Variants in GNL2 observed in about 807,000 individuals in gnomAD.
GNL2 encodes nucleolar GTP-binding protein 2.
GNL2 carries 51 observed loss-of-function variants against 92.3 expected under a neutral mutation model. That is an observed-to-expected ratio of 0.55 (90% CI 0.44 to 0.70). The LOEUF is 0.70. GNL2 is among the 30% of genes least tolerant of loss of function. GNL2 has a pLI of 0.00. For missense variants in GNL2, 844 were observed against 895.6 expected, an observed-to-expected ratio of 0.94 and a Z score of 0.74; for synonymous variants, 283 against 300.6, an observed-to-expected ratio of 0.94 and a Z score of 0.61.
At position 37,592,323 on chromosome 1, in the gene GNL2, A is replaced by C. The variant is rs375890609; in HGVS notation, c.244+389T>G. 5.3e-5 allele frequency among the ~76,000 whole-genome samples: 8 copies of C among 152,210 alleles called. No homozygotes were observed. The East Asian group carries it at 1.3e-3, about 26-fold the overall frequency. The stretch of plus-strand genomic sequence containing the variant: ...AGTTCAAATAAAAACCCCATTAAGA[A>C]GTATTTCAGAGGAACTTCGGGCTAA... On this transcript the variant is annotated intron_variant, in intron 3 of 15. Coordinates refer to ENST00000373062, the MANE Select transcript of GNL2 (RefSeq NM_013285.3).
At chr1:37,582,394 G>A in intron 7 of GNL2, 58 bp from the exon 8 acceptor site, 1 of 978,156 alleles carries the variant, frequency 1.0e-6, no homozygotes, top group Non-Finnish European at 1.6e-6. Flanking sequence ...TACATTATGT[G>A]GAAGAATCAG....
At chr1:37,579,700 A>G (rs922355331) in intron 8 of GNL2, among the ~76,000 whole-genome samples, 2 of 152,006 alleles carry the variant, frequency 1.3e-5, no homozygotes, top group Non-Finnish European at 2.9e-5. Flanking sequence ...GATCAAGACC[A>G]TCCTGGCTAA....
intron 1 of GNL2, among the ~76,000 whole-genome samples, chr1:37,595,506 T>C (rs1643916048): frequency 1.3e-5 from 2 of 152,222 alleles, no homozygotes; most frequent in Non-Finnish European, 2.9e-5. Flanking sequence ...GAGTGTTCAC[T>C]TTCCTTGACT....
chr1:37,574,862 T>C (rs749321738), intron 10 of GNL2, 39 bp from the exon 11 acceptor site: 1 of 1,501,380 alleles, frequency 6.7e-7, no homozygotes, highest in Non-Finnish European at 9.2e-7. Context: ...ACAAACTTTG[T>C]TGTGGAAGCA....
At chr1:37,587,834 A>G (rs984578219) in intron 4 of GNL2, among the ~76,000 whole-genome samples, 12 of 152,246 alleles carry the variant, frequency 7.9e-5, no homozygotes, top group Non-Finnish European at 1.2e-4. Context: ...AATTAAGGCT[A>G]CAGTGGTGAA....
chr1:37,582,975 CA>C (rs753482677), intron 6 of GNL2, 39 bp from the exon 7 acceptor site: 1 of 1,449,546 alleles, frequency 6.9e-7, no homozygotes, highest in Non-Finnish European at 9.5e-7. Flanking sequence ...TGCTACAGTA[CA>C]AATAAAAGAG....
intron 8 of GNL2, among the ~76,000 whole-genome samples, chr1:37,580,334 G>A (rs185333009): frequency 1.5e-4 from 23 of 152,258 alleles, no homozygotes; most frequent in African/African-American, 5.1e-4. Context: ...AGTATGAGGG[G>A]TCAGAATGGC....
At chr1:37,593,686 C>A in intron 2 of GNL2, 76 bp downstream of exon 2, 1 of 987,480 alleles carries the variant, frequency 1.0e-6, no homozygotes. Flanking sequence ...GTGAGAACAG[C>A]AAAGGCTTCA....
chr1:37,584,083 T>C, intron 5 of GNL2, 150 bp from the exon 6 acceptor site: 1 of 635,954 alleles, frequency 1.6e-6, no homozygotes, highest in South Asian at 1.8e-5. Context: ...TGTGCCCAAA[T>C]GTCTGTCAAC....
In GNL2 at chr1:37,566,883, T is replaced by G; in HGVS notation, c.2168A>C (p.Lys723Thr). ...KTNDSEGQKH[K>T]RKKFRQKQ ...CTGCTTTTGTCTGAATTTTTTGCGT[T>G]TGTGTTTCTGTCCCTCTGAGTCATT... is the stretch of plus-strand genomic sequence containing the variant. Residue 723 changes from lysine (K) to threonine (T), a missense_variant, in exon 16 of 16, where the codon AAA becomes ACA. Physicochemically the swap from Lys to Thr is moderately conservative, Grantham distance 78. Transcript: ENST00000373062. 6.2e-7 allele frequency: 1 copy of G among 1,613,870 alleles called. No individual in the cohort carries two copies. The highest frequency in any genetic ancestry group is 8.5e-7 in the Non-Finnish European group (1 of 1,179,932).
Position 37,595,832 on chromosome 1 carries a change from G to T in GNL2, c.-10C>A, listed in dbSNP as rs1385977830. The T allele has an allele frequency of 3.1e-6, 5 of 1,613,768 alleles. No individual in the cohort carries two copies. Among genetic ancestry groups the T allele is most frequent in the Non-Finnish European group, 4.2e-6 (5 of 1,179,738 alleles). On this transcript the variant is annotated 5_prime_UTR_variant, in exon 1 of 16. Coordinates refer to ENST00000373062, the MANE Select transcript of GNL2 (RefSeq NM_013285.3). Reference sequence around the variant, plus strand: ...ACTTGGGCTTCACCATCTTGGCGACGAGACCGGGACCGGAGTGCGAGGTCC... The same window carrying T: ...ACTTGGGCTTCACCATCTTGGCGACTAGACCGGGACCGGAGTGCGAGGTCC...
chr1:37,595,908 C>CCCGCCT lies in GNL2; in HGVS notation c.-92_-87dup. The CCCGCCT allele has an allele frequency of 9.2e-7, 1 of 1,089,880 alleles. No individual in the cohort carries two copies. The highest frequency in any genetic ancestry group is 2.4e-5 in the East Asian group (1 of 41,256). The allele number at this position is 1,089,880 out of a possible 1,614,324, so 67.5% of individuals were successfully genotyped here. A position where few individuals can be genotyped will look rare whatever the true frequency, so the allele number is the denominator to read the frequency against. ...ATGTTCCCAAGCCCGGCCGAAGACA[C>CCCGCCT]CCGCCTGAACCACGCCGGACCACGT... On this transcript the variant is annotated 5_prime_UTR_variant, in exon 1 of 16. Coordinates refer to ENST00000373062, the MANE Select transcript of GNL2 (RefSeq NM_013285.3).
chr1:37,568,818 A>C lies in GNL2; in HGVS notation c.1868+33T>G, dbSNP rs1169363973. 4 of 1,547,916 alleles carry C rather than the reference A, an allele frequency of 2.6e-6. No homozygotes were observed. In the Admixed American group the frequency reaches 7.0e-5, roughly 27 times the overall value. ...GGCAAATTTTTGGGAAAGGAATGAA[A>C]ATCTGCAATTTGTGAGAAGATGAAA... On this transcript the variant is annotated intron_variant, in intron 13 of 15. Transcript: ENST00000373062.
At position 37,582,611 on chromosome 1, in the gene GNL2, G is replaced by A. The variant is rs563168113; in HGVS notation, c.795+167C>T. On this transcript the variant is annotated intron_variant, in intron 7 of 15. Transcript: ENST00000373062. ...GAAGCAGGCAGTGGCCTCAGAAGCC[G>A]TCTCCTGGTGCCTCTGCCCACTATC... Among the ~76,000 whole-genome samples the A allele has an allele frequency of 1.4e-4, 21 of 152,342 alleles. No individual in the cohort carries two copies. The South Asian group carries it at 1.9e-3, about 14-fold the overall frequency.
chr1:37,575,763 C>A lies in GNL2; in HGVS notation c.1039-64G>T. 1.0e-6 allele frequency: 1 copy of A among 998,178 alleles called. No homozygotes were observed. The highest frequency in any genetic ancestry group is 1.5e-5 in the South Asian group (1 of 67,160). The allele number at this position is 998,178 out of a possible 1,614,324, so 61.8% of individuals were successfully genotyped here. ...CACTAAGAGTCTAATTTCACAAACC[C>A]CTGATGCTCATGTATGAAGCTGGAA... is the stretch of plus-strand genomic sequence containing the variant. On this transcript the variant is annotated intron_variant, in intron 9 of 15. Coordinates refer to ENST00000373062, the MANE Select transcript of GNL2 (RefSeq NM_013285.3). This position sits in a 1 kb window ranked among gnomAD's most constrained non-coding sequence, Gnocchi z 4.1.
At chr1:37,568,392 C>T (rs779081167) in intron 13 of GNL2, 35 bp from the exon 14 acceptor site, 1 of 1,373,238 alleles carries the variant, frequency 7.3e-7, no homozygotes, top group Non-Finnish European at 1.0e-6. Context: ...TTCCTCCTCT[C>T]ACTCGCCCGA....
At chr1:37,579,970 C>A (rs1643740808) in intron 8 of GNL2, among the ~76,000 whole-genome samples, 1 of 146,222 alleles carries the variant, frequency 6.8e-6, no homozygotes, top group Non-Finnish European at 1.5e-5. Context: ...AATTTCTGAA[C>A]AAGAATACAG....
At position 37,574,857 on chromosome 1, in the gene GNL2, CT is replaced by C. The variant is rs781313166; in HGVS notation, c.1144-35del. 29 of 1,539,940 alleles carry C rather than the reference CT, an allele frequency of 1.9e-5. No homozygotes were observed. The African/African-American group carries it at 4.0e-4, about 21-fold the overall frequency. ...TAATAGGAAATCTCTCACTTACAAA[CT>C]TTGTTGTGGAAGCAGTGAAGTTCCC... On this transcript the variant is annotated intron_variant, in intron 10 of 15. Coordinates refer to ENST00000373062, the MANE Select transcript of GNL2 (RefSeq NM_013285.3).
Position 37,575,815 on chromosome 1 carries a change from G to C in GNL2, c.1039-116C>G. The C allele has an allele frequency of 1.6e-6, 1 of 638,318 alleles. No homozygotes were observed. Among genetic ancestry groups the C allele is most frequent in the Non-Finnish European group, 2.7e-6 (1 of 364,968 alleles). 39.5% of individuals were successfully genotyped at this position (638,318 alleles called of 1,614,324 possible). A position where few individuals can be genotyped will look rare whatever the true frequency, so the allele number is the denominator to read the frequency against. Reference sequence around the variant, plus strand: ...GGAGGAAGGGGTGAGTCAAAGAAAAGCAACGCGCTAAGTAATTAAGCTACT... The same window carrying C: ...GGAGGAAGGGGTGAGTCAAAGAAAACCAACGCGCTAAGTAATTAAGCTACT... On this transcript the variant is annotated intron_variant, in intron 9 of 15. Transcript: ENST00000373062. The surrounding 1 kb of genome is among the most constrained non-coding windows in gnomAD (Gnocchi z 4.1).
Sources: gnomAD v4.1 joint callset for allele counts (sites outside exome capture counted in the v4.1 genomes callset) on GRCh38, gnomAD v4.1.1 for gene constraint, Gnocchi (gnomAD v3.1) non-coding constraint, MANE v1.5 for transcripts, NCBI Gene and HGNC (gene_info 2026-07-23, HGNC 2026-07-21) for gene names.